CSMD1: variants seen among roughly 807,000 people sequenced by gnomAD.
CSMD1 encodes CUB and sushi domain-containing protein 1.
Under a neutral mutation model 417.5 loss-of-function variants are expected in CSMD1, and 213 were observed. The ratio of observed to expected loss-of-function variants is 0.51; its 90% CI spans 0.46 to 0.57. The LOEUF is 0.57. CSMD1 is among the 20% of genes least tolerant of loss of function. The probability of loss-of-function intolerance (pLI) is 0.00; values close to 1 mark genes in which losing one functional copy is unlikely to be tolerated. For missense variants in CSMD1, 6,923 were observed against 4,529.7 expected (o/e 1.53, Z -15.17); for synonymous variants, 2,862 against 1,736.8 (o/e 1.65, Z -16.11).
rs532915351 is a variant in CSMD1, at chr8:4,211,061, G to A, written c.416-178962C>T. 4.2e-4 allele frequency among the ~76,000 whole-genome samples: 64 copies of A among 152,230 alleles called. No individual in the cohort carries two copies. In the East Asian group the frequency reaches 9.8e-3, roughly 23 times the overall value. On this transcript the variant is annotated intron_variant, in intron 3 of 69. Coordinates refer to ENST00000635120, the MANE Select transcript of CSMD1 (RefSeq NM_033225.6). ...AATACAAACACATTTCCTTCCTTAA[G>A]AAATTCATGTTCACATATCATTGTA...
intron 2 of CSMD1, among the ~76,000 whole-genome samples, chr8:4,430,824 A>C (rs1797832026): frequency 6.6e-6 from 1 of 152,192 alleles, no homozygotes; most frequent in Non-Finnish European, 1.5e-5. Flanking sequence ...GTCAATTGTC[A>C]CTGCAAATAC....
At chr8:4,706,859 A>G (rs369994296) in intron 1 of CSMD1, among the ~76,000 whole-genome samples, 1 of 152,312 alleles carries the variant, frequency 6.6e-6, no homozygotes, top group South Asian at 2.1e-4. Context: ...GAAACTTCTT[A>G]CAAGTAGCAA....
At chr8:3,674,582 G>A (rs1033487215) in intron 7 of CSMD1, among the ~76,000 whole-genome samples, 2 of 147,886 alleles carry the variant, frequency 1.4e-5, no homozygotes, top group Non-Finnish European at 3.0e-5. Flanking sequence ...TTAAGCTACT[G>A]CAAAATATAT....
chr8:3,704,874 G>T (rs1797432523), intron 7 of CSMD1: 1 of 152,254 alleles, frequency 6.6e-6, no homozygotes, highest in African/African-American at 2.4e-5. Context: ...GTGAGCAGAG[G>T]GGAGGGTAAT....
At chr8:4,748,810 T>C (rs1811120064) in intron 1 of CSMD1, among the ~76,000 whole-genome samples, 1 of 152,226 alleles carries the variant, frequency 6.6e-6, no homozygotes, top group South Asian at 2.1e-4. Context: ...ATCACCATTG[T>C]GAACATATGC....
chr8:4,455,224 T>A (rs916251998), intron 2 of CSMD1, among the ~76,000 whole-genome samples: 1 of 152,132 alleles, frequency 6.6e-6, no homozygotes, highest in Non-Finnish European at 1.5e-5. Flanking sequence ...CTGAAATACT[T>A]CTCTAAAATA....
At chr8:2,997,149 A>C (rs1806975455) in intron 54 of CSMD1, among the ~76,000 whole-genome samples, 1 of 152,224 alleles carries the variant, frequency 6.6e-6, no homozygotes. Flanking sequence ...GTCAAAACCC[A>C]AGCATTCTGA....
intron 5 of CSMD1, among the ~76,000 whole-genome samples, chr8:3,756,889 G>T (rs774465760): frequency 6.6e-6 from 1 of 151,942 alleles, no homozygotes; most frequent in Non-Finnish European, 1.5e-5. Context: ...TCCGACTCCT[G>T]GGCTCAAGCC....
At chr8:4,564,784 A>C (rs1798512259) in intron 2 of CSMD1, among the ~76,000 whole-genome samples, 1 of 152,262 alleles carries the variant, frequency 6.6e-6, no homozygotes, top group South Asian at 2.1e-4. Context: ...AATCACTAGA[A>C]CAAGCACCTA....
chr8:3,007,820 T>C (rs935558096), intron 52 of CSMD1, among the ~76,000 whole-genome samples: 53 of 149,780 alleles, frequency 3.5e-4, no homozygotes, highest in Non-Finnish European at 6.6e-4. Flanking sequence ...TACCTAATGC[T>C]AGATGACGAG....
chr8:4,089,062 C>G (rs761558867), intron 3 of CSMD1, among the ~76,000 whole-genome samples: 1 of 152,192 alleles, frequency 6.6e-6, no homozygotes, highest in Non-Finnish European at 1.5e-5. Context: ...GGTCTTGCCG[C>G]CAGAGCTTCT....
At chr8:4,275,212 T>A (rs1279444070) in intron 3 of CSMD1, among the ~76,000 whole-genome samples, 1 of 152,288 alleles carries the variant, frequency 6.6e-6, no homozygotes, top group East Asian at 1.9e-4. Context: ...AATTATTGTC[T>A]AGTTTGTTTT....
chr8:4,916,045 G>C (rs555027573), intron 1 of CSMD1, among the ~76,000 whole-genome samples: 1 of 152,154 alleles, frequency 6.6e-6, no homozygotes, highest in Non-Finnish European at 1.5e-5. Flanking sequence ...CACTAGATTT[G>C]CCCTGGAAAG....
In CSMD1 at chr8:4,851,153, T is replaced by C. The variant is rs377731448; in HGVS notation, c.85+143179A>G. ...TGTGATATTCCCCTTCCTGTGTCCA[T>C]GTGTTATTATTCAATTCCCACCTAT... is the stretch of plus-strand genomic sequence containing the variant. On this transcript the variant is annotated intron_variant, in intron 1 of 69. Transcript: ENST00000635120. Among the ~76,000 whole-genome samples, 6 of 133,034 alleles carry C rather than the reference T, an allele frequency of 4.5e-5. No homozygotes were observed. In the Admixed American group the frequency reaches 5.4e-4, roughly 12 times the overall value. 87.3% of individuals were successfully genotyped at this position (133,034 alleles called of 152,430 possible). A position where few individuals can be genotyped will look rare whatever the true frequency, so the allele number is the denominator to read the frequency against.
intron 51 of CSMD1, among the ~76,000 whole-genome samples, chr8:3,029,025 C>G (rs1810145338): frequency 6.6e-6 from 1 of 152,080 alleles, no homozygotes; most frequent in African/African-American, 2.4e-5. Context: ...TAAGAGTTAT[C>G]TTTTTACACA....
In CSMD1 at chr8:3,284,152, T is replaced by G. The variant is rs1241516137; in HGVS notation, c.4145A>C (p.Gln1382Pro). 6.4e-7 allele frequency: 1 copy of G among 1,564,280 alleles called. No individual in the cohort carries two copies. The highest frequency in any genetic ancestry group is 1.9e-5 in the Admixed American group (1 of 51,772). The stretch of plus-strand genomic sequence containing the variant: ...CACGCTGTGCCACCTACTGGAGAAC[T>G]GGATGGAGAAGCCAGACTTGCTGAT... ...FFISKSGFSIQFSTSIAATCN... is the reference protein window; with the variant it reads ...FFISKSGFSIPFSTSIAATCN... The change falls in exon 26 of 70, where the codon CAG (glutamine) becomes CCG (proline). Residue 1382 changes from glutamine to proline, a missense_variant. Physicochemically the swap from Gln to Pro is moderately conservative, Grantham distance 76 (BLOSUM62 -1). Transcript: ENST00000635120.
chr8:3,125,873 A>C (rs1033895657), intron 41 of CSMD1, among the ~76,000 whole-genome samples: 5 of 152,180 alleles, frequency 3.3e-5, no homozygotes, highest in Non-Finnish European at 7.3e-5. Flanking sequence ...GCTACTCGGG[A>C]GGCTGAGGCA....
intron 5 of CSMD1, among the ~76,000 whole-genome samples, chr8:3,904,882 C>T (rs959555952): frequency 6.6e-6 from 1 of 152,110 alleles, no homozygotes; most frequent in Admixed American, 6.5e-5. Context: ...AGTGATCCAC[C>T]TGCTTCCGCC....
chr8:4,552,700 C>A (rs1432482611), intron 2 of CSMD1, among the ~76,000 whole-genome samples: 1 of 152,148 alleles, frequency 6.6e-6, no homozygotes, highest in East Asian at 1.9e-4. Flanking sequence ...ATTACCCCAT[C>A]ACAAGATGCT....
Sources: allele counts gnomAD v4.1 joint callset (sites outside exome capture counted in the v4.1 genomes callset), GRCh38; gene constraint gnomAD v4.1.1; transcripts MANE v1.5; gene names NCBI Gene and HGNC (gene_info 2026-07-23, HGNC 2026-07-21).